The following SDK2 variants were observed in gnomAD, a reference collection of about 807,000 sequenced individuals.
SDK2 encodes the protein sidekick cell adhesion molecule 2.
In SDK2, 105 loss-of-function variants were observed where a neutral mutation model predicts 253.9. The ratio of observed to expected loss-of-function variants is 0.41; its 90% CI spans 0.35 to 0.49. SDK2 has a LOEUF of 0.49. SDK2 is among the 20% of genes least tolerant of loss of function. The pLI, the probability that SDK2 is intolerant of heterozygous loss-of-function variation, is 0.06. For synonymous variants in SDK2, 1,249 were observed against 1,234.9 expected, an observed-to-expected ratio of 1.01 and a Z score of -0.24; for missense variants, 2,608 against 3,003.0, an observed-to-expected ratio of 0.87 and a Z score of 3.07.
chr17:73,636,810 CA>C (rs1238581707), intron 1 of SDK2, among the ~76,000 whole-genome samples: 4 of 151,520 alleles, frequency 2.6e-5, no homozygotes, highest in Non-Finnish European at 4.4e-5. Flanking sequence ...GTCTTAAGGC[CA>C]TTTGGAGGGG....
chr17:73,593,399 G>A (rs790090), intron 1 of SDK2, among the ~76,000 whole-genome samples: 26,207 of 152,164 alleles, frequency 0.17, 2,385 homozygotes, highest in African/African-American at 0.2. Flanking sequence ...TCCTCATTGT[G>A]CAGGAAACCC....
Position 73,338,902 on chromosome 17 carries a change from C to T in SDK2, c.6204G>A (p.Gln2068=), listed in dbSNP as rs373389417. Residue 2068 remains glutamine, a synonymous_variant, in exon 45 of 45, where the codon CAG becomes CAA. Transcript: ENST00000392650. This position sits in a 1 kb window ranked among gnomAD's most constrained non-coding sequence, Gnocchi z 5.0. ...DSEYEVDSNH[Q]KAHSFVNHYI... is the part of the protein sequence containing the mutation. ...AGTGGTTGACAAAGGAGTGGGCCTT[C>T]TGGTGGTTTGAGTCGACCTCGTACT... 8 of 1,613,994 alleles carry T rather than the reference C, an allele frequency of 5.0e-6. No individual in the cohort carries two copies. Among genetic ancestry groups the T allele is most frequent in the East Asian group, 2.2e-5 (1 of 44,874 alleles).
intron 40 of SDK2, among the ~76,000 whole-genome samples, chr17:73,354,699 C>T (rs2078210): frequency 0.093 from 14,172 of 152,162 alleles, 752 homozygotes; most frequent in South Asian, 0.2. Flanking sequence ...TCTTCCAGGC[C>T]GCTGCCACCA....
chr17:73,564,549 G>C (rs1207642220), intron 1 of SDK2, among the ~76,000 whole-genome samples: 2 of 152,202 alleles, frequency 1.3e-5, no homozygotes, highest in African/African-American at 4.8e-5. Context: ...CTGGGGCTGG[G>C]CATGGTGGCT....
At chr17:73,533,369 C>A (rs964387678) in intron 1 of SDK2, among the ~76,000 whole-genome samples, 1 of 152,244 alleles carries the variant, frequency 6.6e-6, no homozygotes, top group East Asian at 1.9e-4. Flanking sequence ...GGAATGACAT[C>A]CTCAGAGCTG....
intron 1 of SDK2, among the ~76,000 whole-genome samples, chr17:73,577,629 T>C (rs2045474801): frequency 6.6e-6 from 1 of 152,162 alleles, no homozygotes; most frequent in African/African-American, 2.4e-5. Context: ...AGGCAGGTGC[T>C]GTGGGGGAGG....
intron 1 of SDK2, among the ~76,000 whole-genome samples, chr17:73,514,918 C>G (rs968852571): frequency 6.6e-6 from 1 of 152,172 alleles, no homozygotes; most frequent in Non-Finnish European, 1.5e-5. Flanking sequence ...CCCTGGTGGA[C>G]CACACACCTG....
At chr17:73,495,356 CAGA>C (rs1477533531) in intron 2 of SDK2, among the ~76,000 whole-genome samples, 2 of 152,218 alleles carry the variant, frequency 1.3e-5, no homozygotes, top group Non-Finnish European at 2.9e-5. Context: ...TTGTCACATC[CAGA>C]AGGTGTCTAT....
At chr17:73,350,815 T>C (rs750381784) in intron 41 of SDK2, 25 bp from the exon 42 acceptor site, 3 of 1,585,494 alleles carry the variant, frequency 1.9e-6, no homozygotes, top group Non-Finnish European at 2.6e-6. Flanking sequence ...GTCAGGTATA[T>C]AGGGTGCTCA....
chr17:73,505,468 C>T (rs1567811630), intron 2 of SDK2, among the ~76,000 whole-genome samples: 1 of 146,904 alleles, frequency 6.8e-6, no homozygotes, highest in African/African-American at 2.5e-5. Context: ...TTGCTATCAT[C>T]ATTGTTATTG....
intron 8 of SDK2, among the ~76,000 whole-genome samples, chr17:73,437,322 G>A (rs55725310): frequency 0.27 from 40,389 of 151,942 alleles, 5,747 homozygotes; most frequent in Non-Finnish European, 0.31. Context: ...TAGGAATAGC[G>A]GAGGGAGCTG....
intron 1 of SDK2, among the ~76,000 whole-genome samples, chr17:73,569,490 G>A (rs967317073): frequency 2.6e-5 from 4 of 151,984 alleles, no homozygotes; most frequent in African/African-American, 9.7e-5. Context: ...GAGGCACCGT[G>A]CTGGGCCCCA....
chr17:73,351,113 T>TC (rs2062534439), intron 41 of SDK2, among the ~76,000 whole-genome samples: 3 of 114,594 alleles, frequency 2.6e-5, no homozygotes, highest in Non-Finnish European at 5.6e-5. Context: ...CTTTTTCCCC[T>TC]TTTTTTTTTT....
intron 1 of SDK2, among the ~76,000 whole-genome samples, chr17:73,538,762 T>G (rs546672792): frequency 1.3e-5 from 2 of 152,274 alleles, no homozygotes; most frequent in South Asian, 4.1e-4. Context: ...AGGCACCCAG[T>G]GTATGCCACA....
chr17:73,591,580 G>A (rs1159284625), intron 1 of SDK2, among the ~76,000 whole-genome samples: 1 of 152,150 alleles, frequency 6.6e-6, no homozygotes, highest in Non-Finnish European at 1.5e-5. Flanking sequence ...GAATACTCTC[G>A]CAAATTGGGG....
At chr17:73,386,332 T>A (rs1388567454) in intron 31 of SDK2, 113 bp downstream of exon 31, 1 of 790,196 alleles carries the variant, frequency 1.3e-6, no homozygotes, top group African/African-American at 1.7e-5. Context: ...AAGGGCCCAG[T>A]GGGTCCCACG....
At chr17:73,556,761 G>A (rs567863925) in intron 1 of SDK2, among the ~76,000 whole-genome samples, 1 of 152,268 alleles carries the variant, frequency 6.6e-6, no homozygotes, top group South Asian at 2.1e-4. Flanking sequence ...CACAAATTCT[G>A]GAGCCAGACC....
chr17:73,340,992 C>T (rs2062431766), intron 44 of SDK2, among the ~76,000 whole-genome samples: 1 of 150,848 alleles, frequency 6.6e-6, no homozygotes, highest in Non-Finnish European at 1.5e-5. Context: ...GATCTGCCCA[C>T]CTCGGCGTCC....
rs192878942 is a variant in SDK2 at position 73,610,604 on chromosome 17, G to C, written c.64+33421C>G. ...TGCTAATTTCCCCCACAGTAGCCACGAGGGAGGCGGGGAGTGAGTATGTGT... is the reference window on the plus strand; with the variant it reads ...TGCTAATTTCCCCCACAGTAGCCACCAGGGAGGCGGGGAGTGAGTATGTGT... On this transcript the variant is annotated intron_variant, in intron 1 of 44. Transcript: ENST00000392650. Among the ~76,000 whole-genome samples, 14 of 152,278 alleles carry C rather than the reference G, an allele frequency of 9.2e-5. No individual in the cohort carries two copies. The East Asian group carries it at 1.7e-3, about 19-fold the overall frequency.
Sources: gnomAD v4.1 joint callset for allele counts (sites outside exome capture counted in the v4.1 genomes callset) on GRCh38, gnomAD v4.1.1 for gene constraint, Gnocchi (gnomAD v3.1) non-coding constraint, MANE v1.5 for transcripts, NCBI Gene and HGNC (gene_info 2026-07-23, HGNC 2026-07-21) for gene names.